SEMA5B: variants seen among roughly 807,000 people sequenced by gnomAD.
The protein encoded by SEMA5B is semaphorin-5B.
Under a neutral mutation model 135.0 loss-of-function variants are expected in SEMA5B, and 66 were observed. The observed-to-expected ratio is 0.49, with a 90% CI of 0.40 to 0.60. The LOEUF (loss-of-function observed/expected upper bound fraction) is 0.60. Ranked by LOEUF, SEMA5B falls within the 20% of genes least tolerant of loss-of-function variation. SEMA5B has a pLI of 0.00. For missense variants in SEMA5B, 1,501 were observed against 1,566.3 expected (o/e 0.96, Z 0.70); for synonymous variants, 690 against 639.5 (o/e 1.08, Z -1.19).
intron 2 of SEMA5B, among the ~76,000 whole-genome samples, chr3:122,949,994 G>A (rs778741044): frequency 3.3e-5 from 5 of 152,130 alleles, no homozygotes; most frequent in Non-Finnish European, 7.3e-5. Flanking sequence ...CATCTATTAA[G>A]TTCTTTCTCT....
intron 18 of SEMA5B, 103 bp downstream of exon 18, chr3:122,912,740 G>A: frequency 3.5e-6 from 4 of 1,154,138 alleles, no homozygotes; most frequent in Non-Finnish European, 4.9e-6. Context: ...GGGAGAAGGG[G>A]TCACCTGGGC....
chr3:122,962,815 C>G (rs1256408530), intron 1 of SEMA5B, among the ~76,000 whole-genome samples: 1 of 152,122 alleles, frequency 6.6e-6, no homozygotes, highest in East Asian at 1.9e-4. Flanking sequence ...AGACTCTGCC[C>G]CAGCTTCCCC....
intron 1 of SEMA5B, among the ~76,000 whole-genome samples, chr3:123,016,802 A>T (rs960549652): frequency 2.0e-5 from 3 of 151,728 alleles, no homozygotes; most frequent in Non-Finnish European, 4.4e-5. Context: ...GGCTAGTCTC[A>T]TAATCCTGGC....
intron 1 of SEMA5B, among the ~76,000 whole-genome samples, chr3:122,990,613 GCACA>G (rs149231438): frequency 2.7e-5 from 4 of 150,802 alleles, no homozygotes; most frequent in African/African-American, 9.7e-5. Flanking sequence ...ACATACATGT[GCACA>G]CACACACACA....
At chr3:123,026,824 C>G (rs569417272) in intron 1 of SEMA5B, among the ~76,000 whole-genome samples, 1 of 152,368 alleles carries the variant, frequency 6.6e-6, no homozygotes, top group South Asian at 2.1e-4. Context: ...TCTCCACCCT[C>G]CCAGCCGGGA....
intron 1 of SEMA5B, among the ~76,000 whole-genome samples, chr3:122,988,632 C>G (rs1362747173): frequency 6.6e-6 from 1 of 152,214 alleles, no homozygotes; most frequent in Non-Finnish European, 1.5e-5. Context: ...CTCTCTAGGA[C>G]TTGGCAGTTG....
intron 1 of SEMA5B, among the ~76,000 whole-genome samples, chr3:123,018,962 C>T (rs1376552175): frequency 6.6e-6 from 1 of 152,132 alleles, no homozygotes; most frequent in East Asian, 1.9e-4. Flanking sequence ...CATGGGTTAC[C>T]TGGATAAAGG....
chr3:122,972,739 C>T (rs955419627), intron 1 of SEMA5B, among the ~76,000 whole-genome samples: 3 of 152,130 alleles, frequency 2.0e-5, no homozygotes, highest in Non-Finnish European at 4.4e-5. Flanking sequence ...GTGGATGGGT[C>T]CTTGCTACTC....
rs183821797 is a variant in SEMA5B, at chr3:123,011,048, G to A, written c.-39+16416C>T. On this transcript the variant is annotated intron_variant, in intron 1 of 22. Coordinates refer to ENST00000357599, the MANE Select transcript of SEMA5B (RefSeq NM_001031702.4). ...CTACTCTCAAGTGGATAGGCCCAAA[G>A]GCCATTCTTGAGCACACAGAAGTCA... Among the ~76,000 whole-genome samples the A allele has an allele frequency of 5.3e-5, 8 of 152,234 alleles. No homozygotes were observed. In the East Asian group the frequency reaches 1.6e-3, roughly 30 times the overall value.
At chr3:122,944,001 C>T (rs2107532688) in intron 3 of SEMA5B, among the ~76,000 whole-genome samples, 1 of 152,274 alleles carries the variant, frequency 6.6e-6, no homozygotes, top group Non-Finnish European at 1.5e-5. Context: ...AGTCCTTTTC[C>T]CACAAAGCAA....
intron 3 of SEMA5B, 66 bp from the exon 4 acceptor site, chr3:122,943,601 G>T: frequency 1.6e-6 from 2 of 1,217,200 alleles, no homozygotes; most frequent in East Asian, 2.4e-5. Flanking sequence ...CATCGCAGCA[G>T]ACCACAGAAC....
At chr3:123,014,401 G>A (rs562022453) in intron 1 of SEMA5B, among the ~76,000 whole-genome samples, 210 of 152,334 alleles carry the variant, frequency 1.4e-3, no homozygotes, top group African/African-American at 4.8e-3. Context: ...AGGGAAATGG[G>A]GTTTGCCCAT....
chr3:122,972,172 G>A (rs1210162934), intron 1 of SEMA5B, among the ~76,000 whole-genome samples: 2 of 152,174 alleles, frequency 1.3e-5, no homozygotes, highest in Non-Finnish European at 2.9e-5. Context: ...TTACTCCACT[G>A]TCTGTGGTGA....
intron 2 of SEMA5B, among the ~76,000 whole-genome samples, chr3:122,953,928 T>G (rs1314477866): frequency 6.6e-6 from 1 of 152,216 alleles, no homozygotes; most frequent in Non-Finnish European, 1.5e-5. Flanking sequence ...AGGATGGTCA[T>G]GTGATCAAAA....
intron 20 of SEMA5B, 104 bp from the exon 21 acceptor site, chr3:122,911,639 C>G (rs1008377757): frequency 1.6e-6 from 2 of 1,243,098 alleles, no homozygotes; most frequent in South Asian, 1.4e-5. Flanking sequence ...AACGCTCAGA[C>G]GTAGGACTAG....
chr3:123,023,184 C>T (rs1283512943), intron 1 of SEMA5B, among the ~76,000 whole-genome samples: 1 of 152,196 alleles, frequency 6.6e-6, no homozygotes, highest in Non-Finnish European at 1.5e-5. Flanking sequence ...CAGGCATTTG[C>T]TTTGGCCTCT....
intron 1 of SEMA5B, among the ~76,000 whole-genome samples, chr3:122,977,131 T>C (rs910115807): frequency 1.3e-5 from 2 of 152,200 alleles, no homozygotes; most frequent in Non-Finnish European, 2.9e-5. Context: ...GACAGTCTCT[T>C]AGGCTCAGCT....
At chr3:122,999,900 T>C (rs77577902) in intron 1 of SEMA5B, among the ~76,000 whole-genome samples, 12,006 of 152,078 alleles carry the variant, frequency 0.079, 585 homozygotes, top group East Asian at 0.16. Flanking sequence ...AAGAGAGCCA[T>C]GAAAATAGAC....
chr3:122,926,892 A>G (rs757348169), intron 8 of SEMA5B, among the ~76,000 whole-genome samples: 3 of 152,142 alleles, frequency 2.0e-5, no homozygotes, highest in African/African-American at 7.2e-5. Flanking sequence ...CCCACCTCTC[A>G]CTGGGTGCCA....
Sources: gnomAD v4.1 joint callset for allele counts (sites outside exome capture counted in the v4.1 genomes callset) on GRCh38, gnomAD v4.1.1 for gene constraint, MANE v1.5 for transcripts, NCBI Gene and HGNC (gene_info 2026-07-23, HGNC 2026-07-21) for gene names.